Variants in GIPC2 observed in about 807,000 individuals in gnomAD.
GIPC2 encodes PDZ domain-containing protein GIPC2.
GIPC2 carries 30 observed loss-of-function variants against 30.6 expected under a neutral mutation model. That is an observed-to-expected ratio of 0.98 (90% CI 0.73 to 1.33). The LOEUF is 1.33. Among genes scored for constraint, GIPC2 ranks in the 40% most tolerant of loss-of-function variants. The pLI is 0.00. For missense variants in GIPC2, 414 were observed against 390.3 expected (o/e 1.06, Z -0.51); for synonymous variants, 167 against 150.0 (o/e 1.11, Z -0.83).
At chr1:78,080,061 A>AT (rs1225492205) in intron 1 of GIPC2, among the ~76,000 whole-genome samples, 1 of 151,776 alleles carries the variant, frequency 6.6e-6, no homozygotes, top group Non-Finnish European at 1.5e-5. Flanking sequence ...AAACATACTG[A>AT]TTTTAACACC....
At chr1:78,100,942 ACACACAC>A (rs1557542868) in intron 3 of GIPC2, among the ~76,000 whole-genome samples, 21 of 99,008 alleles carry the variant, frequency 2.1e-4, no homozygotes, top group East Asian at 7.8e-4. Context: ...AAAAAAAAAT[ACACACAC>A]ACACACACAC....
At chr1:78,063,742 GGT>G (rs938494817) in intron 1 of GIPC2, among the ~76,000 whole-genome samples, 3 of 151,430 alleles carry the variant, frequency 2.0e-5, no homozygotes, top group African/African-American at 7.3e-5. Flanking sequence ...AAATTTGCCG[GGT>G]GTGGTGGTGC....
chr1:78,053,344 A>T (rs539039005), intron 1 of GIPC2, among the ~76,000 whole-genome samples: 6 of 152,302 alleles, frequency 3.9e-5, no homozygotes, highest in African/African-American at 1.4e-4. Flanking sequence ...ATTTCCTGAC[A>T]GCACCCTATC....
chr1:78,102,477 CAATT>C (rs1662267249), intron 3 of GIPC2, among the ~76,000 whole-genome samples: 1 of 152,160 alleles, frequency 6.6e-6, no homozygotes, highest in African/African-American at 2.4e-5. Flanking sequence ...AAATTTCAAT[CAATT>C]AATACTTTTG....
intron 2 of GIPC2, among the ~76,000 whole-genome samples, chr1:78,090,631 T>A (rs1181081084): frequency 6.6e-6 from 1 of 152,264 alleles, no homozygotes; most frequent in African/African-American, 2.4e-5. Flanking sequence ...AAAACTGTCA[T>A]TCTCAGAATA....
chr1:78,053,905 G>T (rs953680750), intron 1 of GIPC2, among the ~76,000 whole-genome samples: 2 of 152,080 alleles, frequency 1.3e-5, no homozygotes, highest in African/African-American at 2.4e-5. Flanking sequence ...TCCAGCCTGG[G>T]CAACAGAGCA....
intron 1 of GIPC2, 70 bp from the exon 2 acceptor site, chr1:78,080,605 T>G (rs944735390): frequency 6.1e-6 from 5 of 825,852 alleles, no homozygotes; most frequent in Non-Finnish European, 9.7e-6. Context: ...TCAATAAATG[T>G]TTATAAATAA....
At chr1:78,091,275 G>A (rs1233083756) in intron 2 of GIPC2, among the ~76,000 whole-genome samples, 1 of 152,212 alleles carries the variant, frequency 6.6e-6, no homozygotes, top group Non-Finnish European at 1.5e-5. Context: ...CTGTATGACT[G>A]TTAGCTTATT....
At chr1:78,072,346 G>A (rs902532026) in intron 1 of GIPC2, among the ~76,000 whole-genome samples, 2 of 152,196 alleles carry the variant, frequency 1.3e-5, no homozygotes, top group African/African-American at 4.8e-5. Context: ...TAAGAGAGAT[G>A]AGCAGTTTCC....
chr1:78,125,752 C>A (rs1662769709), intron 4 of GIPC2, 129 bp from the exon 5 acceptor site: 2 of 611,160 alleles, frequency 3.3e-6, no homozygotes, highest in Non-Finnish European at 6.0e-6. Context: ...CATTCTAGAT[C>A]TATTTCCATT....
chr1:78,091,592 T>A, intron 2 of GIPC2: 1 of 763,258 alleles, frequency 1.3e-6, no homozygotes, highest in Admixed American at 1.7e-5. Flanking sequence ...CTTCGCGATC[T>A]TCTTCGGGAA....
chr1:78,061,869 G>T (rs371734120), intron 1 of GIPC2, among the ~76,000 whole-genome samples: 5 of 152,046 alleles, frequency 3.3e-5, no homozygotes, highest in Non-Finnish European at 7.4e-5. Flanking sequence ...TGCCTGCCTC[G>T]GCCTCCCAAA....
In GIPC2 at chr1:78,059,946, T is replaced by C. The variant is rs999138852; in HGVS notation, c.240+13612T>C. Among the ~76,000 whole-genome samples, 5 of 152,152 alleles carry C rather than the reference T, an allele frequency of 3.3e-5. No homozygotes were observed. The South Asian group carries it at 1.0e-3, about 32-fold the overall frequency. On this transcript the variant is annotated intron_variant, in intron 1 of 5. Coordinates refer to ENST00000370759, the MANE Select transcript of GIPC2 (RefSeq NM_017655.6). ...GAACTTAATGAGGACTTTTGGAAAATAGAATTCTATGAATATAATTCAGTA... is the reference window on the plus strand; with the variant it reads ...GAACTTAATGAGGACTTTTGGAAAACAGAATTCTATGAATATAATTCAGTA...
chr1:78,107,114 A>C (rs1571513322), intron 3 of GIPC2, among the ~76,000 whole-genome samples: 8 of 115,652 alleles, frequency 6.9e-5, no homozygotes, highest in South Asian at 2.6e-4. Context: ...TTCTTTCCCT[A>C]CCTTTTTCCT....
At chr1:78,103,000 G>A (rs1237436109) in intron 3 of GIPC2, among the ~76,000 whole-genome samples, 3 of 152,184 alleles carry the variant, frequency 2.0e-5, no homozygotes, top group Admixed American at 6.5e-5. Context: ...GCTGCCATTC[G>A]CTTTTCCTAG....
chr1:78,109,937 A>G (rs1662431110), intron 3 of GIPC2, among the ~76,000 whole-genome samples: 1 of 152,146 alleles, frequency 6.6e-6, no homozygotes, highest in Non-Finnish European at 1.5e-5. Flanking sequence ...TGTCGCAAGG[A>G]CAAAACACCA....
At chr1:78,073,074 G>A (rs759654072) in intron 1 of GIPC2, among the ~76,000 whole-genome samples, 32 of 150,052 alleles carry the variant, frequency 2.1e-4, no homozygotes, top group Non-Finnish European at 4.1e-4. Flanking sequence ...CTCCCAAAGT[G>A]TTAGGATCAC....
In GIPC2 at chr1:78,062,240, C is replaced by T. The variant is rs542263206; in HGVS notation, c.240+15906C>T. Among the ~76,000 whole-genome samples the T allele has an allele frequency of 5.5e-4, 83 of 152,248 alleles. 1 individual carries two copies. In the South Asian group the frequency reaches 0.016, roughly 30 times the overall value. ...AATGTAGTAGTGGTTGTATAATTGG[C>T]GTTAACACTATGTCCCTCATGATCC... On this transcript the variant is annotated intron_variant, in intron 1 of 5. Transcript: ENST00000370759.
At chr1:78,049,248 A>G (rs1571468572) in intron 1 of GIPC2, among the ~76,000 whole-genome samples, 1 of 151,984 alleles carries the variant, frequency 6.6e-6, no homozygotes, top group South Asian at 2.1e-4. Context: ...TGAAACCTCC[A>G]CCTCCTGGGT....
Sources: allele counts gnomAD v4.1 joint callset (sites outside exome capture counted in the v4.1 genomes callset), GRCh38; gene constraint gnomAD v4.1.1; transcripts MANE v1.5; gene names NCBI Gene and HGNC (gene_info 2026-07-23, HGNC 2026-07-21).